Variants in EXOC4 observed in about 807,000 individuals in gnomAD.
The protein encoded by EXOC4 is SEC8-like 1.
EXOC4 carries 71 observed loss-of-function variants against 107.2 expected under a neutral mutation model. The observed-to-expected ratio is 0.66, with a 90% CI of 0.55 to 0.81. EXOC4 has a LOEUF of 0.81. Among genes scored for constraint, EXOC4 ranks in the 30% least tolerant of loss-of-function variants. The probability of loss-of-function intolerance (pLI) is 0.00; values close to 1 mark genes in which losing one functional copy is unlikely to be tolerated. For missense variants in EXOC4, 1,108 were observed against 1,189.6 expected, an observed-to-expected ratio of 0.93 and a Z score of 1.01; for synonymous variants, 456 against 441.2, an observed-to-expected ratio of 1.03 and a Z score of -0.42.
At chr7:133,671,113 G>A (rs1030383991) in intron 10 of EXOC4, among the ~76,000 whole-genome samples, 3 of 152,140 alleles carry the variant, frequency 2.0e-5, no homozygotes, top group African/African-American at 7.2e-5. Context: ...AGCAAGGAAG[G>A]GAGTGTGTCG....
At chr7:134,053,089 C>T (rs574914213) in intron 17 of EXOC4, among the ~76,000 whole-genome samples, 6 of 152,148 alleles carry the variant, frequency 3.9e-5, no homozygotes, top group South Asian at 2.1e-4. Flanking sequence ...CACTAGTTAC[C>T]GTCTTCTTAG....
intron 4 of EXOC4, among the ~76,000 whole-genome samples, chr7:133,309,270 A>C (rs531732703): frequency 3.9e-5 from 6 of 152,216 alleles, no homozygotes; most frequent in Non-Finnish European, 8.8e-5. Flanking sequence ...TTACACAGAA[A>C]GGAGCAAAAA....
chr7:133,491,547 G>C (rs1799371266), intron 9 of EXOC4, among the ~76,000 whole-genome samples: 1 of 152,202 alleles, frequency 6.6e-6, no homozygotes, highest in African/African-American at 2.4e-5. Context: ...GTGTAATGAA[G>C]TTAATGCTGG....
intron 4 of EXOC4, among the ~76,000 whole-genome samples, chr7:133,308,560 C>T (rs1584797747): frequency 6.6e-6 from 1 of 152,136 alleles, no homozygotes; most frequent in South Asian, 2.1e-4. Context: ...GTTGTCTAAG[C>T]TATCCAGTCT....
chr7:133,486,866 C>T (rs1463148667), intron 9 of EXOC4, among the ~76,000 whole-genome samples: 2 of 151,870 alleles, frequency 1.3e-5, no homozygotes, highest in Non-Finnish European at 2.9e-5. Flanking sequence ...TTTGTCTATC[C>T]CTAAGACATT....
At chr7:133,419,917 G>A in intron 7 of EXOC4, among the ~76,000 whole-genome samples, 1 of 151,420 alleles carries the variant, frequency 6.6e-6, no homozygotes, top group Non-Finnish European at 1.5e-5. Flanking sequence ...GTGTTAGCCA[G>A]CTCTGGGTTC....
At chr7:133,780,535 G>A (rs776188667) in intron 10 of EXOC4, among the ~76,000 whole-genome samples, 1 of 152,016 alleles carries the variant, frequency 6.6e-6, no homozygotes, top group Non-Finnish European at 1.5e-5. Flanking sequence ...ATCTTGTTTG[G>A]ACTTAATAAC....
At chr7:133,758,834 C>A (rs1235663451) in intron 10 of EXOC4, among the ~76,000 whole-genome samples, 2 of 152,126 alleles carry the variant, frequency 1.3e-5, no homozygotes, top group Admixed American at 6.5e-5. Context: ...CCCTGCCCCC[C>A]AGAGATACAG....
At position 133,739,220 on chromosome 7, in the gene EXOC4, GTT is replaced by G. The variant is rs373817907; in HGVS notation, c.1515-78103_1515-78102del. On this transcript the variant is annotated intron_variant, in intron 10 of 17. Coordinates refer to ENST00000253861, the MANE Select transcript of EXOC4 (RefSeq NM_021807.4). Reference sequence around the variant, plus strand: ...ACCTTACAGAAGCACATGTAGAGGGGTTTGTGTGTGTGTGTGTGTGTGTGTGT... The same window carrying G: ...ACCTTACAGAAGCACATGTAGAGGGGTGTGTGTGTGTGTGTGTGTGTGTGT... 5.2e-3 allele frequency among the ~76,000 whole-genome samples: 656 copies of G among 126,100 alleles called. 1 individual carries two copies. The highest frequency in any genetic ancestry group is 0.01 in the South Asian group (36 of 3,470). The allele number at this position is 126,100 out of a possible 152,430, so 82.7% of individuals were successfully genotyped here.
At chr7:134,000,784 C>T (rs549976506) in intron 15 of EXOC4, among the ~76,000 whole-genome samples, 3 of 152,194 alleles carry the variant, frequency 2.0e-5, no homozygotes, top group South Asian at 2.1e-4. Context: ...CTGTCTCTGG[C>T]ACTTTTAGCC....
chr7:133,816,141 T>C (rs1797363557), intron 10 of EXOC4, among the ~76,000 whole-genome samples: 1 of 152,186 alleles, frequency 6.6e-6, no homozygotes, highest in Non-Finnish European at 1.5e-5. Context: ...TCAGAGGAGC[T>C]ACCAACAAAG....
chr7:133,606,517 A>ATTTTTT (rs56086076), intron 9 of EXOC4, among the ~76,000 whole-genome samples: 1 of 136,920 alleles, frequency 7.3e-6, no homozygotes, highest in African/African-American at 3.0e-5. Flanking sequence ...TATTATTATT[A>ATTTTTT]TTTTTTTTTT....
intron 10 of EXOC4, among the ~76,000 whole-genome samples, chr7:133,757,347 G>A (rs1795940360): frequency 6.6e-6 from 1 of 152,172 alleles, no homozygotes; most frequent in Non-Finnish European, 1.5e-5. Flanking sequence ...AAAATATGAA[G>A]CATCTTACTT....
chr7:133,399,295 CCT>C (rs371478532), intron 7 of EXOC4, among the ~76,000 whole-genome samples: 1 of 152,150 alleles, frequency 6.6e-6, no homozygotes, highest in South Asian at 2.1e-4. Flanking sequence ...TTCTTCTTCT[CCT>C]CTCTGTTTAT....
chr7:133,715,765 G>A (rs1794987177), intron 10 of EXOC4, among the ~76,000 whole-genome samples: 1 of 152,120 alleles, frequency 6.6e-6, no homozygotes, highest in African/African-American at 2.4e-5. Flanking sequence ...TTCAGAGAGA[G>A]AAAGGAAGGG....
intron 1 of EXOC4, among the ~76,000 whole-genome samples, chr7:133,259,232 CTTTT>C (rs1160021022): frequency 3.9e-5 from 5 of 129,538 alleles, no homozygotes; most frequent in Admixed American, 7.7e-5. Flanking sequence ...AGTTTAATTT[CTTTT>C]TTTTTTTTTT....
chr7:134,023,492 A>G (rs907607705), intron 17 of EXOC4, among the ~76,000 whole-genome samples: 5 of 152,142 alleles, frequency 3.3e-5, no homozygotes, highest in Non-Finnish European at 7.4e-5. Context: ...ATTTTGTATA[A>G]CTTATGTGAT....
intron 11 of EXOC4, among the ~76,000 whole-genome samples, chr7:133,883,754 T>G (rs1299451078): frequency 6.6e-6 from 1 of 152,204 alleles, no homozygotes; most frequent in Non-Finnish European, 1.5e-5. Flanking sequence ...TCAAAAAGAT[T>G]ACTCTGCGTT....
At chr7:133,798,795 AAAAAT>A (rs1563002497) in intron 10 of EXOC4, among the ~76,000 whole-genome samples, 1 of 152,040 alleles carries the variant, frequency 6.6e-6, no homozygotes, top group African/African-American at 2.4e-5. Context: ...AAAGACAAAA[AAAAAT>A]AAAATAAAAT....
Sources: allele counts gnomAD v4.1 joint callset (sites outside exome capture counted in the v4.1 genomes callset), GRCh38; gene constraint gnomAD v4.1.1; transcripts MANE v1.5; gene names NCBI Gene and HGNC (gene_info 2026-07-23, HGNC 2026-07-21).